Variants in UBAP1 observed in about 807,000 individuals in gnomAD.
The protein encoded by UBAP1 is ubiquitin-associated protein 1.
A neutral mutation model predicts 39.0 loss-of-function variants in UBAP1; 5 were observed. The ratio of observed to expected loss-of-function variants is 0.13; its 90% confidence interval spans 0.07 to 0.27. The LOEUF (loss-of-function observed/expected upper bound fraction) is 0.27. Among genes scored for constraint, UBAP1 ranks in the 10% least tolerant of loss-of-function variants. The probability of loss-of-function intolerance (pLI) is 1.00; values close to 1 mark genes in which losing one functional copy is unlikely to be tolerated. For synonymous variants in UBAP1, 211 were observed against 225.1 expected (o/e 0.94, Z 0.56); for missense variants, 490 against 608.1 (o/e 0.81, Z 2.04).
intron 1 of UBAP1, chr9:34,212,033 C>T (rs1051469232): frequency 7.1e-6 from 3 of 423,324 alleles, no homozygotes; most frequent in Admixed American, 2.6e-5. Flanking sequence ...ATCCATACCA[C>T]CAGCTAAAAA....
chr9:34,212,049 AAG>A (rs1395499287), intron 1 of UBAP1: 5 of 423,448 alleles, frequency 1.2e-5, no homozygotes, highest in East Asian at 7.3e-5. Context: ...AAAAAAGAAA[AAG>A]AATATGTTTT....
intron 2 of UBAP1, chr9:34,224,082 A>T: frequency 1.5e-6 from 1 of 676,852 alleles, no homozygotes; most frequent in Non-Finnish European, 2.4e-6. Context: ...CCCGGCCTTG[A>T]AGTGATGCAC....
chr9:34,233,284 C>T (rs948143290), intron 2 of UBAP1, among the ~76,000 whole-genome samples: 14 of 148,534 alleles, frequency 9.4e-5, no homozygotes, highest in Non-Finnish European at 8.9e-5. Flanking sequence ...TGCAGTGGCG[C>T]GATCTCGGCT....
intron 1 of UBAP1, among the ~76,000 whole-genome samples, chr9:34,184,555 C>T (rs1418487217): frequency 4.1e-5 from 6 of 145,238 alleles, no homozygotes; most frequent in Non-Finnish European, 9.0e-5. Flanking sequence ...GGCGTGAACC[C>T]GGGAGGTGGA....
At chr9:34,203,469 C>T (rs1311306951) in intron 1 of UBAP1, among the ~76,000 whole-genome samples, 1 of 152,132 alleles carries the variant, frequency 6.6e-6, no homozygotes, top group African/African-American at 2.4e-5. Context: ...ACTACTGTGG[C>T]CGGGCACTAT....
In UBAP1 at chr9:34,224,395, A is replaced by C. The variant is rs542650847; in HGVS notation, c.34+3447A>C. On this transcript the variant is annotated intron_variant, in intron 2 of 6. Transcript: ENST00000297661. ...ATTAAACGCATTGTAGACAACATCGATGATCCTTGTTTTGCAAATACAACG... is the reference window on the plus strand; with the variant it reads ...ATTAAACGCATTGTAGACAACATCGCTGATCCTTGTTTTGCAAATACAACG... 126 of 421,498 alleles carry C rather than the reference A, an allele frequency of 3.0e-4. No individual in the cohort carries two copies. In the Admixed American group the frequency reaches 3.3e-3, roughly 11 times the overall value. The allele number at this position is 421,498 out of a possible 1,614,324, so 26.1% of individuals were successfully genotyped here.
chr9:34,241,910 T>A lies in UBAP1; in HGVS notation c.885T>A (p.Asn295Lys), dbSNP rs750987679. 2 of 1,614,212 alleles carry A rather than the reference T, an allele frequency of 1.2e-6. No individual in the cohort carries two copies. Among genetic ancestry groups the A allele is most frequent in the East Asian group, 2.2e-5 (1 of 44,884 alleles). Reference protein sequence around the residue: ...STFHSTSCLRNGTFQNSLKPS... With the variant: ...STFHSTSCLRKGTFQNSLKPS... ...TCCATAGCACATCCTGCCTCCGCAA[T>A]GGCACGTTCCAGAATTCCCTAAAGC... Residue 295 changes from asparagine (N) to lysine (K), a missense_variant, in exon 4 of 7, where the codon AAT (asparagine) becomes AAA (lysine). Around this residue, in one of 3 missense-constraint regions of UBAP1, gnomAD observed 339 missense variants for 390.0 expected, o/e 0.87. Transcript: ENST00000297661.
intron 1 of UBAP1, among the ~76,000 whole-genome samples, chr9:34,180,820 A>G (rs1045470000): frequency 1.5e-5 from 2 of 131,652 alleles, no homozygotes; most frequent in African/African-American, 2.9e-5. Context: ...GTTTCTTTTT[A>G]TTTTTTTCCA....
chr9:34,226,016 T>A (rs1329236376), intron 2 of UBAP1, among the ~76,000 whole-genome samples: 2 of 152,058 alleles, frequency 1.3e-5, no homozygotes, highest in African/African-American at 4.8e-5. Context: ...TACATCTTGA[T>A]GAGTTTGAGG....
At chr9:34,179,470 A>G (rs546893149) in intron 1 of UBAP1, among the ~76,000 whole-genome samples, 11 of 151,952 alleles carry the variant, frequency 7.2e-5, no homozygotes, top group African/African-American at 1.9e-4. Flanking sequence ...TGGGATGCGG[A>G]AAAATGAGTT....
intron 2 of UBAP1, among the ~76,000 whole-genome samples, chr9:34,226,129 G>GTGTGTGTGTGTT (rs1833070857): frequency 2.7e-4 from 38 of 141,848 alleles, no homozygotes; most frequent in Admixed American, 7.3e-4. Flanking sequence ...GTGTGTGTGT[G>GTGTGTGTGTGTT]TGTGTGTGTG....
Position 34,249,864 on chromosome 9 carries a change from C to G in UBAP1, c.1169C>G (p.Pro390Arg). Residue 390 changes from proline to arginine, a missense_variant, in exon 5 of 7, where the codon CCC becomes CGC. Physicochemically the swap from Pro to Arg is moderately radical, Grantham distance 103 (BLOSUM62 -2). Coordinates refer to ENST00000297661, the MANE Select transcript of UBAP1 (RefSeq NM_016525.5). The stretch of plus-strand genomic sequence containing the variant: ...TATTCTGAACTGCAGATGCTGTCCC[C>G]CAGCGAGCGGCAGTGTGTGGAGACG... Reference protein sequence around the residue: ...QAYSELQMLSPSERQCVETVV... With the variant: ...QAYSELQMLSRSERQCVETVV... 6.2e-7 allele frequency: 1 copy of G among 1,614,188 alleles called. No individual in the cohort carries two copies. Among genetic ancestry groups the G allele is most frequent in the South Asian group, 1.1e-5 (1 of 91,086 alleles).
chr9:34,194,729 A>G (rs535060269), intron 1 of UBAP1, among the ~76,000 whole-genome samples: 2 of 152,232 alleles, frequency 1.3e-5, no homozygotes, highest in East Asian at 1.9e-4. Flanking sequence ...AGATTGTTCT[A>G]AGCACTTTGT....
intron 2 of UBAP1, among the ~76,000 whole-genome samples, chr9:34,225,971 T>C (rs182153429): frequency 3.5e-4 from 53 of 152,170 alleles, no homozygotes; most frequent in Admixed American, 1.6e-3. Context: ...ATAATTGATA[T>C]ATAAAAAGCT....
In UBAP1 at chr9:34,218,250, CAAAAAAAAAAAAAAAAAAAAAAAAAAA is replaced by C. The variant is rs758443973; in HGVS notation, c.-7-2640_-7-2614del. Among the ~76,000 whole-genome samples the C allele has an allele frequency of 4.8e-4, 24 of 49,524 alleles. 1 individual carries two copies. Among genetic ancestry groups the C allele is most frequent in the Non-Finnish European group, 6.5e-4 (19 of 29,154 alleles). The allele number at this position is 49,524 out of a possible 152,430, so 32.5% of individuals were successfully genotyped here. A position where few individuals can be genotyped will look rare whatever the true frequency, so the allele number is the denominator to read the frequency against. On this transcript the variant is annotated intron_variant, in intron 1 of 6. Coordinates refer to ENST00000297661, the MANE Select transcript of UBAP1 (RefSeq NM_016525.5). ...CTGGTGACAGAGCGAGACTCCATCTCAAAAAAAAAAAAAAAAAAAAAAAAAAAAAAAAAAAAAAAAAAAAGCCAAGCA... is the reference window on the plus strand; with the variant it reads ...CTGGTGACAGAGCGAGACTCCATCTCAAAAAAAAAAAAAAAAAGCCAAGCA...
intron 1 of UBAP1, among the ~76,000 whole-genome samples, chr9:34,206,509 CAAAAAA>C (rs773775155): frequency 8.2e-5 from 12 of 146,964 alleles, no homozygotes; most frequent in African/African-American, 1.3e-4. Context: ...GACCCTGTCT[CAAAAAA>C]AAGAAAAGAA....
chr9:34,228,970 T>C (rs1833262496), intron 2 of UBAP1, among the ~76,000 whole-genome samples: 1 of 152,138 alleles, frequency 6.6e-6, no homozygotes, highest in Non-Finnish European at 1.5e-5. Context: ...TCTCTCTTAA[T>C]AAAGCTTTTA....
chr9:34,190,633 C>CTTTTTTTTTTT (rs563281159), intron 1 of UBAP1, among the ~76,000 whole-genome samples: 1 of 129,492 alleles, frequency 7.7e-6, no homozygotes, highest in African/African-American at 2.9e-5. Flanking sequence ...TTCTTTCTTT[C>CTTTTTTTTTTT]TTTTTTTTTT....
At chr9:34,250,877 A>G (rs768727925) in intron 6 of UBAP1, 118 bp downstream of exon 6, 7 of 817,378 alleles carry the variant, frequency 8.6e-6, no homozygotes, top group African/African-American at 1.7e-5. Flanking sequence ...TACAGGTACA[A>G]GTATTTGAAG....
Sources: gnomAD v4.1 joint callset for allele counts (sites outside exome capture counted in the v4.1 genomes callset) on GRCh38, gnomAD v4.1.1 for gene constraint, gnomAD v4.1.1 regional missense constraint, MANE v1.5 for transcripts, NCBI Gene and HGNC (gene_info 2026-07-23, HGNC 2026-07-21) for gene names.